Variants in AKT3 observed in about 807,000 individuals in gnomAD.
AKT3 encodes RAC-gamma serine/threonine-protein kinase.
In AKT3, 15 loss-of-function variants were observed where a neutral mutation model predicts 65.3. The observed-to-expected ratio is 0.23, with a 90% CI of 0.15 to 0.35. The LOEUF is 0.35. Ranked by LOEUF, AKT3 falls within the 10% of genes least tolerant of loss-of-function variation. The pLI, the probability that AKT3 is intolerant of heterozygous loss-of-function variation, is 1.00. For synonymous variants in AKT3, 206 were observed against 183.8 expected (o/e 1.12, Z -0.98); for missense variants, 243 against 576.5 (o/e 0.42, Z 5.92).
chr1:243,568,734 A>G lies in AKT3; in HGVS notation c.819+4192T>C, dbSNP rs7532187. On this transcript the variant is annotated intron_variant, in intron 9 of 13. Coordinates refer to ENST00000673466, the MANE Select transcript of AKT3 (RefSeq NM_005465.7). ...CCAACCTTTTACATTTCACAGTAAA[A>G]TAACAATTTAAAGTTGTGGGGCATA... Among the ~76,000 whole-genome samples, 1,276 of 152,316 alleles carry G rather than the reference A, an allele frequency of 8.4e-3. 16 individuals are homozygous for G. Among genetic ancestry groups the G allele is most frequent in the African/African-American group, 0.029 (1,206 of 41,570 alleles).
At chr1:243,840,817 A>G (rs1695196523) in intron 2 of AKT3, among the ~76,000 whole-genome samples, 1 of 152,094 alleles carries the variant, frequency 6.6e-6, no homozygotes, top group African/African-American at 2.4e-5. Flanking sequence ...AAAGGCAACC[A>G]AAAAATAAAA....
chr1:243,764,216 C>G (rs1454124133), intron 2 of AKT3, among the ~76,000 whole-genome samples: 1 of 152,022 alleles, frequency 6.6e-6, no homozygotes, highest in Non-Finnish European at 1.5e-5. Context: ...ATTTTAATAA[C>G]AGATATAAAA....
At chr1:243,718,664 G>A (rs1433293507) in intron 2 of AKT3, among the ~76,000 whole-genome samples, 6 of 151,244 alleles carry the variant, frequency 4.0e-5, no homozygotes, top group African/African-American at 9.7e-5. Context: ...CAGTAGAGAC[G>A]GGGTTTCACC....
chr1:243,577,625 T>C (rs899112689), intron 8 of AKT3, among the ~76,000 whole-genome samples: 47 of 152,136 alleles, frequency 3.1e-4, no homozygotes, highest in African/African-American at 1.1e-3. Context: ...ATTCAGGACA[T>C]AGGTACGGGC....
chr1:243,678,946 C>T (rs1188195088), intron 3 of AKT3, among the ~76,000 whole-genome samples: 1 of 152,074 alleles, frequency 6.6e-6, no homozygotes. Context: ...CTCCTGCCTT[C>T]TCCTTCCACC....
chr1:243,544,639 TA>T (rs754508545), intron 12 of AKT3, among the ~76,000 whole-genome samples: 4 of 150,928 alleles, frequency 2.7e-5, no homozygotes, highest in Non-Finnish European at 5.9e-5. Context: ...AATAAATGAA[TA>T]AAAAGTAATA....
chr1:243,711,234 G>A (rs1358807974), intron 2 of AKT3, among the ~76,000 whole-genome samples: 3 of 152,128 alleles, frequency 2.0e-5, no homozygotes, highest in South Asian at 4.2e-4. Flanking sequence ...CAGGAGAATC[G>A]CTTGAAACCC....
chr1:243,696,145 CTTT>C, intron 2 of AKT3, among the ~76,000 whole-genome samples: 1 of 144,938 alleles, frequency 6.9e-6, no homozygotes, highest in Admixed American at 6.9e-5. Context: ...CTAATTGTGT[CTTT>C]TTTTTTTCAA....
chr1:243,748,308 A>G (rs1419330945), intron 2 of AKT3, among the ~76,000 whole-genome samples: 6 of 151,910 alleles, frequency 3.9e-5, no homozygotes, highest in African/African-American at 1.5e-4. Flanking sequence ...CATGAAGATA[A>G]AGAGGCAAAG....
intron 3 of AKT3, among the ~76,000 whole-genome samples, chr1:243,689,547 C>T (rs945847115): frequency 2.0e-5 from 3 of 146,704 alleles, no homozygotes; most frequent in Admixed American, 7.0e-5. Context: ...CGGTCTCAAA[C>T]GATCCTTCCA....
intron 9 of AKT3, among the ~76,000 whole-genome samples, chr1:243,565,092 A>G (rs1674057855): frequency 6.6e-6 from 1 of 152,236 alleles, no homozygotes; most frequent in Non-Finnish European, 1.5e-5. Flanking sequence ...CCTTTTTTAT[A>G]GTACTTCAAT....
At chr1:243,550,958 C>CAAAAAAAAAAAA (rs60047036) in intron 11 of AKT3, among the ~76,000 whole-genome samples, 31 of 17,534 alleles carry the variant, frequency 1.8e-3, no homozygotes, top group South Asian at 3.6e-3. Context: ...GACTCCCTCT[C>CAAAAAAAAAAAA]AAAAAAAAAA....
intron 10 of AKT3, among the ~76,000 whole-genome samples, chr1:243,560,337 T>A (rs1673685846): frequency 6.6e-6 from 1 of 152,134 alleles, no homozygotes; most frequent in Non-Finnish European, 1.5e-5. Flanking sequence ...CAATAAATAA[T>A]TCTTTGATGA....
intron 8 of AKT3, among the ~76,000 whole-genome samples, chr1:243,585,039 G>T (rs771561006): frequency 1.6e-4 from 24 of 152,074 alleles, no homozygotes; most frequent in Non-Finnish European, 2.8e-4. Context: ...ACTGATAAAT[G>T]ATTTTTGCAA....
intron 3 of AKT3, among the ~76,000 whole-genome samples, chr1:243,672,790 A>G (rs912681348): frequency 1.3e-5 from 2 of 152,212 alleles, no homozygotes; most frequent in South Asian, 4.1e-4. Flanking sequence ...TACAGAGCCA[A>G]TATTTTCCCC....
chr1:243,834,452 A>C (rs368496339), intron 2 of AKT3, among the ~76,000 whole-genome samples: 1 of 152,220 alleles, frequency 6.6e-6, no homozygotes, highest in African/African-American at 2.4e-5. Flanking sequence ...GGAGGTAAAC[A>C]CTGAGTACAC....
chr1:243,808,467 A>G (rs992539886), intron 2 of AKT3, among the ~76,000 whole-genome samples: 6 of 152,208 alleles, frequency 3.9e-5, no homozygotes, highest in East Asian at 1.9e-4. Flanking sequence ...AAGCGAGAAG[A>G]GAAGTTTAGA....
chr1:243,730,093 C>G (rs76727946), intron 2 of AKT3, among the ~76,000 whole-genome samples: 2,445 of 152,284 alleles, frequency 0.016, 69 homozygotes, highest in African/African-American at 0.057. Flanking sequence ...AATCCACAAC[C>G]TGGAGGGAGA....
At chr1:243,797,522 T>C (rs530737653) in intron 2 of AKT3, among the ~76,000 whole-genome samples, 13 of 152,290 alleles carry the variant, frequency 8.5e-5, no homozygotes, top group African/African-American at 1.7e-4. Context: ...TTCTCAGACA[T>C]TGCTTTATTG....
Sources: gnomAD v4.1 joint callset for allele counts (sites outside exome capture counted in the v4.1 genomes callset) on GRCh38, gnomAD v4.1.1 for gene constraint, MANE v1.5 for transcripts, NCBI Gene and HGNC (gene_info 2026-07-23, HGNC 2026-07-21) for gene names.